UNC5B: variants seen among roughly 807,000 people sequenced by gnomAD.
UNC5B encodes unc-5 netrin receptor B, also known as netrin receptor UNC5B.
In UNC5B, 56 loss-of-function variants were observed where a neutral mutation model predicts 103.7. That is an observed-to-expected ratio of 0.54 (90% CI 0.44 to 0.67). The LOEUF is 0.67. Ranked by LOEUF, UNC5B falls within the 30% of genes least tolerant of loss-of-function variation. The pLI, the probability that UNC5B is intolerant of heterozygous loss-of-function variation, is 0.00. For missense variants in UNC5B, 1,194 were observed against 1,284.5 expected (o/e 0.93, Z 1.08); for synonymous variants, 577 against 542.0 (o/e 1.06, Z -0.90).
chr10:71,239,101 A>T (rs1402741524), intron 1 of UNC5B, among the ~76,000 whole-genome samples: 6 of 152,024 alleles, frequency 3.9e-5, no homozygotes, highest in Non-Finnish European at 7.4e-5. Context: ...TCTCCCAGCC[A>T]CCCTAAGCCA....
rs750385496 is a variant in UNC5B at position 71,296,560 on chromosome 10, G to A, written c.2326-18G>A. 1 of 1,612,750 alleles carries A rather than the reference G, an allele frequency of 6.2e-7. No individual in the cohort carries two copies. Among genetic ancestry groups the A allele is most frequent in the South Asian group, 1.1e-5 (1 of 90,972 alleles). Reference sequence around the variant, plus strand: ...AGGCTGGCCTTGCCTGCCTGGTCCTGACCCCCTCCTCCTGCAGGAGATCCC... The same window carrying A: ...AGGCTGGCCTTGCCTGCCTGGTCCTAACCCCCTCCTCCTGCAGGAGATCCC... On this transcript the variant is annotated intron_variant, in intron 14 of 16. Transcript: ENST00000335350.
Position 71,291,059 on chromosome 10 carries a change from C to A in UNC5B, c.1244C>A (p.Ala415Asp), listed in dbSNP as rs1845239578. The A allele has an allele frequency of 6.2e-7, 1 of 1,614,148 alleles. No homozygotes were observed. Among genetic ancestry groups the A allele is most frequent in the Non-Finnish European group, 8.5e-7 (1 of 1,180,026 alleles). ...DFDTDITDSS[A>D]ALTGGFHPVN... ...GACACAGACATCACTGACTCATCTGCTGCCCTGACTGGTGGTTTCCACCCC... is the reference window on the plus strand; with the variant it reads ...GACACAGACATCACTGACTCATCTGATGCCCTGACTGGTGGTTTCCACCCC... Residue 415 changes from alanine (A) to aspartate (D), a missense_variant, in exon 9 of 17, where the codon GCT becomes GAT. By Grantham distance (126) the Ala-to-Asp change is moderately radical. Transcript: ENST00000335350.
intron 11 of UNC5B, 43 bp downstream of exon 11, chr10:71,292,597 C>A (rs1469826837): frequency 1.9e-6 from 3 of 1,538,932 alleles, no homozygotes; most frequent in Non-Finnish European, 2.7e-6. Flanking sequence ...TTCCTCCCAT[C>A]CCTTGCTGCC....
At chr10:71,262,226 C>T (rs1402159386) in intron 1 of UNC5B, among the ~76,000 whole-genome samples, 1 of 152,142 alleles carries the variant, frequency 6.6e-6, no homozygotes, top group Admixed American at 6.5e-5. Context: ...TCTAACCAGG[C>T]TGTAATTACG....
chr10:71,216,897 C>A lies in UNC5B; in HGVS notation c.79+3833C>A, dbSNP rs114686645. Among the ~76,000 whole-genome samples the A allele has an allele frequency of 4.8e-3, 734 of 152,342 alleles. 8 individuals are homozygous for A. The highest frequency in any genetic ancestry group is 0.017 in the African/African-American group (696 of 41,572). ...GAATAGACAGTGCTGGTACCTCCCT[C>A]CCCCAGGGCCTGCAGGCAGCCCGTC... is the stretch of plus-strand genomic sequence containing the variant. On this transcript the variant is annotated intron_variant, in intron 1 of 16. Transcript: ENST00000335350.
At chr10:71,229,639 C>A (rs1843643371) in intron 1 of UNC5B, among the ~76,000 whole-genome samples, 1 of 152,212 alleles carries the variant, frequency 6.6e-6, no homozygotes, top group South Asian at 2.1e-4. Flanking sequence ...GCTGGAAGGG[C>A]AGGCTAAACA....
At position 71,293,696 on chromosome 10, in the gene UNC5B, A is replaced by G. The variant is rs368186096; in HGVS notation, c.1942-4A>G. 1.5e-5 allele frequency: 24 copies of G among 1,593,356 alleles called. No individual in the cohort carries two copies. The highest frequency in any genetic ancestry group is 1.9e-5 in the Non-Finnish European group (22 of 1,169,570). ...CACTACCCCACCCTTGCTGTCCCCT[A>G]CAGGAGGTGGTGACCCTGGATGAGG... On this transcript the variant is annotated splice_region_variant and splice_polypyrimidine_tract_variant and intron_variant, in intron 12 of 16. Coordinates refer to ENST00000335350, the MANE Select transcript of UNC5B (RefSeq NM_170744.5).
rs1414776559 is a variant in UNC5B, at chr10:71,292,403, C to T, written c.1685-64C>T. Reference sequence around the variant, plus strand: ...TTCTCTCCCAGCCCCAAGCTGGGGCCAACTTCCCAAACACTTGTTCTCCTA... The same window carrying T: ...TTCTCTCCCAGCCCCAAGCTGGGGCTAACTTCCCAAACACTTGTTCTCCTA... On this transcript the variant is annotated intron_variant, in intron 10 of 16. Transcript: ENST00000335350. 3.5e-6 allele frequency: 5 copies of T among 1,432,984 alleles called. No homozygotes were observed. The East Asian group carries it at 7.4e-5, about 21-fold the overall frequency. The allele number at this position is 1,432,984 out of a possible 1,614,324, so 88.8% of individuals were successfully genotyped here. A position where few individuals can be genotyped will look rare whatever the true frequency, so the allele number is the denominator to read the frequency against.
At position 71,297,915 on chromosome 10, in the gene UNC5B, G is replaced by C; in HGVS notation, c.2497G>C (p.Ala833Pro). 1.9e-6 allele frequency: 3 copies of C among 1,611,792 alleles called. No homozygotes were observed. The highest frequency in any genetic ancestry group is 2.5e-6 in the Non-Finnish European group (3 of 1,179,082). Reference protein sequence around the residue: ...QLHTTLAETPAGSLDTLCSAP... With the variant: ...QLHTTLAETPPGSLDTLCSAP... ...TTGGCCCCCACCCTTGCAGACACCT[G>C]CTGGCTCCCTGGACACTCTCTGCTC... is the stretch of plus-strand genomic sequence containing the variant. Residue 833 changes from alanine to proline, a missense_variant, in exon 16 of 17, where the codon GCT becomes CCT. Ala to Pro is a conservative substitution (Grantham distance 27, BLOSUM62 -1). Transcript: ENST00000335350.
intron 1 of UNC5B, among the ~76,000 whole-genome samples, chr10:71,230,270 C>T (rs145091554): frequency 6.6e-6 from 1 of 152,216 alleles, no homozygotes; most frequent in African/African-American, 2.4e-5. Flanking sequence ...GGGGTGCAGG[C>T]CTGTTTGGGA....
chr10:71,242,419 G>A (rs191033975), intron 1 of UNC5B, among the ~76,000 whole-genome samples: 6 of 152,204 alleles, frequency 3.9e-5, no homozygotes, highest in African/African-American at 1.2e-4. Context: ...AGAGCCTGGC[G>A]TGGGCTTCTT....
chr10:71,290,981 C>T lies in UNC5B; in HGVS notation c.1166C>T (p.Ala389Val). 1 of 1,614,090 alleles carries T rather than the reference C, an allele frequency of 6.2e-7. No individual in the cohort carries two copies. The highest frequency in any genetic ancestry group is 1.7e-4 in the Middle Eastern group (1 of 6,060). The change falls in exon 9 of 17, where the codon GCA becomes GTA. Residue 389 changes from alanine (A) to valine (V), a missense_variant. Ala to Val is a moderately conservative substitution (Grantham distance 64). Coordinates refer to ENST00000335350, the MANE Select transcript of UNC5B (RefSeq NM_170744.5). ...GLVVAIFVVV[A>V]ILMAVGVVVY... ...GTGGTGGCCATCTTCGTGGTCGTGGCAATCCTCATGGCGGTGGGGGTGGTG... is the reference window on the plus strand; with the variant it reads ...GTGGTGGCCATCTTCGTGGTCGTGGTAATCCTCATGGCGGTGGGGGTGGTG...
At chr10:71,271,353 TA>T (rs1413347086) in intron 1 of UNC5B, among the ~76,000 whole-genome samples, 1 of 152,222 alleles carries the variant, frequency 6.6e-6, no homozygotes, top group African/African-American at 2.4e-5. Flanking sequence ...GTGGTGGGAA[TA>T]TGCTTATTAT....
intron 1 of UNC5B, among the ~76,000 whole-genome samples, chr10:71,253,657 C>T (rs1180633859): frequency 6.6e-6 from 1 of 152,166 alleles, no homozygotes. Flanking sequence ...GAAAGCATTT[C>T]CAGGGTGTCA....
chr10:71,237,403 A>G (rs1207286285), intron 1 of UNC5B, among the ~76,000 whole-genome samples: 2 of 152,166 alleles, frequency 1.3e-5, no homozygotes, highest in Non-Finnish European at 2.9e-5. Context: ...TTTTAGAGAG[A>G]GAGCCGTCTC....
At chr10:71,277,988 G>A (rs1379300839) in intron 1 of UNC5B, among the ~76,000 whole-genome samples, 8 of 152,192 alleles carry the variant, frequency 5.3e-5, no homozygotes, top group Admixed American at 4.6e-4. Context: ...TCAATGATAG[G>A]TGGTGTGGAG....
In UNC5B at chr10:71,287,612, T is replaced by G. The variant is rs969491675; in HGVS notation, c.748T>G (p.Ser250Ala). 1.3e-6 allele frequency: 2 copies of G among 1,598,962 alleles called. No homozygotes were observed. The highest frequency in any genetic ancestry group is 8.5e-7 in the Non-Finnish European group (1 of 1,173,632). The change falls in exon 6 of 17, where the codon TCC becomes GCC. Residue 250 changes from serine to alanine, a missense_variant. Transcript: ENST00000335350. The part of the protein sequence containing the change: ...TVIVYVNGGW[S>A]SWAEWSPCSN... The stretch of plus-strand genomic sequence containing the variant: ...CCGCCTTGCAGTGAATGGCGGCTGG[T>G]CCAGCTGGGCAGAGTGGTCACCCTG...
At chr10:71,242,069 C>T (rs180990712) in intron 1 of UNC5B, among the ~76,000 whole-genome samples, 182 of 152,240 alleles carry the variant, frequency 1.2e-3, no homozygotes, top group South Asian at 2.3e-3. Flanking sequence ...TTTGTGGAGG[C>T]CTGAGGCCCT....
intron 4 of UNC5B, 22 bp from the exon 5 acceptor site, chr10:71,286,667 C>T (rs750307975): frequency 1.2e-6 from 2 of 1,613,416 alleles, no homozygotes; most frequent in South Asian, 1.1e-5. Flanking sequence ...CCCTCACTGC[C>T]CCCTCACCCC....
Sources: gnomAD v4.1 joint callset for allele counts (sites outside exome capture counted in the v4.1 genomes callset) on GRCh38, gnomAD v4.1.1 for gene constraint, MANE v1.5 for transcripts, NCBI Gene and HGNC (gene_info 2026-07-23, HGNC 2026-07-21) for gene names.